MYO5B: variants seen among roughly 807,000 people sequenced by gnomAD.
MYO5B encodes unconventional myosin-Vb.
Under a neutral mutation model 229.3 loss-of-function variants are expected in MYO5B, and 143 were observed. The ratio of observed to expected loss-of-function variants is 0.62; its 90% CI spans 0.54 to 0.72. The LOEUF (loss-of-function observed/expected upper bound fraction) is 0.72. Among genes scored for constraint, MYO5B ranks in the 30% least tolerant of loss-of-function variants. The pLI, the probability that MYO5B is intolerant of heterozygous loss-of-function variation, is 0.00. For missense variants in MYO5B, 2,321 were observed against 2,331.0 expected (o/e 1.00, Z 0.09); for synonymous variants, 918 against 885.2 (o/e 1.04, Z -0.66).
At chr18:50,019,699 T>C (rs897557235) in intron 4 of MYO5B, among the ~76,000 whole-genome samples, 2 of 152,132 alleles carry the variant, frequency 1.3e-5, no homozygotes, top group African/African-American at 2.4e-5. Context: ...TACTAAAGAT[T>C]AGAATGAGCG....
At chr18:50,074,414 C>T (rs185138858) in intron 1 of MYO5B, among the ~76,000 whole-genome samples, 57 of 152,302 alleles carry the variant, frequency 3.7e-4, no homozygotes, top group Non-Finnish European at 5.9e-4. Context: ...AAGGGCCCAT[C>T]GGATGTCACT....
intron 27 of MYO5B, among the ~76,000 whole-genome samples, chr18:49,864,606 G>A (rs2024375180): frequency 6.6e-6 from 1 of 152,244 alleles, no homozygotes; most frequent in Non-Finnish European, 1.5e-5. Context: ...AATGCCTCCA[G>A]AGCGGCAGTC....
intron 26 of MYO5B, among the ~76,000 whole-genome samples, chr18:49,874,373 C>T (rs772015969): frequency 1.3e-5 from 2 of 152,184 alleles, no homozygotes; most frequent in Non-Finnish European, 2.9e-5. Flanking sequence ...CATCAGGCAC[C>T]GTCTGATGTC....
chr18:50,032,116 C>A (rs141197984), intron 4 of MYO5B, among the ~76,000 whole-genome samples: 3 of 152,312 alleles, frequency 2.0e-5, no homozygotes, highest in East Asian at 3.9e-4. Context: ...CCAGAACACC[C>A]CTGCAGATCC....
intron 22 of MYO5B, among the ~76,000 whole-genome samples, chr18:49,888,852 C>T (rs1327999066): frequency 6.6e-6 from 1 of 152,254 alleles, no homozygotes; most frequent in Non-Finnish European, 1.5e-5. Context: ...CATTCCTGTA[C>T]CACACGGGGT....
intron 1 of MYO5B, among the ~76,000 whole-genome samples, chr18:50,056,560 G>A (rs2030555493): frequency 1.3e-5 from 2 of 152,156 alleles, no homozygotes. Context: ...CAGGAAACCT[G>A]AAACAACTGG....
At chr18:50,017,006 T>TAC (rs935425736) in intron 4 of MYO5B, among the ~76,000 whole-genome samples, 9 of 152,036 alleles carry the variant, frequency 5.9e-5, no homozygotes, top group African/African-American at 2.2e-4. Context: ...TACCATCCCT[T>TAC]ACATTAATCT....
At chr18:49,885,499 C>A (rs889009877) in intron 22 of MYO5B, among the ~76,000 whole-genome samples, 9 of 152,106 alleles carry the variant, frequency 5.9e-5, no homozygotes, top group African/African-American at 1.9e-4. Flanking sequence ...AGAGAGGTGG[C>A]CCTAGGGATA....
intron 1 of MYO5B, among the ~76,000 whole-genome samples, chr18:50,102,498 A>G (rs934065048): frequency 5.9e-5 from 9 of 152,220 alleles, no homozygotes; most frequent in Non-Finnish European, 1.2e-4. Context: ...CACAGATCCA[A>G]TGAAAAGCTA....
intron 7 of MYO5B, among the ~76,000 whole-genome samples, chr18:49,986,007 G>A (rs57118453): frequency 0.013 from 1,968 of 152,128 alleles, 42 homozygotes; most frequent in African/African-American, 0.045. Context: ...AATCCACCTC[G>A]AAAATGCTAG....
intron 1 of MYO5B, among the ~76,000 whole-genome samples, chr18:50,153,289 G>A (rs1400822989): frequency 6.6e-6 from 1 of 152,172 alleles, no homozygotes; most frequent in African/African-American, 2.4e-5. Flanking sequence ...TGCTCCAAGT[G>A]TTAACTTCAA....
chr18:49,873,856 T>C (rs370495659), intron 26 of MYO5B, among the ~76,000 whole-genome samples: 3 of 152,140 alleles, frequency 2.0e-5, no homozygotes, highest in Non-Finnish European at 2.9e-5. Flanking sequence ...TAGACTGTCA[T>C]AGAGGCCCCA....
chr18:50,068,415 C>T (rs1447621402), intron 1 of MYO5B, among the ~76,000 whole-genome samples: 2 of 152,222 alleles, frequency 1.3e-5, no homozygotes. Flanking sequence ...GTGGCCCCTG[C>T]CATTGCCCTG....
At chr18:50,125,399 A>C (rs2032144281) in intron 1 of MYO5B, among the ~76,000 whole-genome samples, 1 of 150,898 alleles carries the variant, frequency 6.6e-6, no homozygotes, top group African/African-American at 2.4e-5. Flanking sequence ...AAGGGATAGC[A>C]TTAGGAGATA....
In MYO5B at chr18:49,875,703, T is replaced by C. The variant is rs767088378; in HGVS notation, c.3521A>G (p.Asp1174Gly). The C allele has an allele frequency of 2.6e-5, 42 of 1,614,066 alleles. No homozygotes were observed. The African/African-American group carries it at 4.5e-4, about 17-fold the overall frequency. ...QVQLEKREQQ[D>G]SKKVQAEPPQ... ...TTCACGTACCTGGACTTTCTTGCTGTCCTGCTGTTCTCTCTTCTCCAGCTG... is the reference window on the plus strand; with the variant it reads ...TTCACGTACCTGGACTTTCTTGCTGCCCTGCTGTTCTCTCTTCTCCAGCTG... The change falls in exon 26 of 40, where the codon GAC (aspartate) becomes GGC (glycine). Residue 1174 changes from aspartate (D) to glycine (G), a missense_variant. This residue lies in a region of MYO5B where 2,113 missense variants were observed against 2,044.7 expected (regional missense o/e 1.03). Coordinates refer to ENST00000285039, the MANE Select transcript of MYO5B (RefSeq NM_001080467.3).
intron 1 of MYO5B, among the ~76,000 whole-genome samples, chr18:50,068,425 G>A (rs1439304973): frequency 6.6e-6 from 1 of 152,162 alleles, no homozygotes; most frequent in African/African-American, 2.4e-5. Flanking sequence ...CCATTGCCCT[G>A]GCTCCAAGGC....
chr18:50,059,347 T>A (rs1032694942), intron 1 of MYO5B, among the ~76,000 whole-genome samples: 1 of 152,098 alleles, frequency 6.6e-6, no homozygotes, highest in African/African-American at 2.4e-5. Context: ...ATAACTCACA[T>A]AAAAATATGC....
At chr18:49,982,734 A>G (rs568756825) in intron 8 of MYO5B, among the ~76,000 whole-genome samples, 2 of 152,364 alleles carry the variant, frequency 1.3e-5, no homozygotes, top group South Asian at 4.1e-4. Context: ...GCTTTGCAAC[A>G]AACTGTATGG....
At chr18:50,110,619 G>A (rs888164407) in intron 1 of MYO5B, among the ~76,000 whole-genome samples, 6 of 152,160 alleles carry the variant, frequency 3.9e-5, no homozygotes, top group African/African-American at 9.7e-5. Context: ...CTGAGTGCAT[G>A]TCACTGAAAC....
Sources: gnomAD v4.1 joint callset for allele counts (sites outside exome capture counted in the v4.1 genomes callset) on GRCh38, gnomAD v4.1.1 for gene constraint, gnomAD v4.1.1 regional missense constraint, MANE v1.5 for transcripts, NCBI Gene and HGNC (gene_info 2026-07-23, HGNC 2026-07-21) for gene names.